KCNQ1: variants seen among roughly 807,000 people sequenced by gnomAD.
KCNQ1 encodes potassium voltage-gated channel subfamily Q member 1, also known as potassium voltage-gated channel subfamily KQT member 1.
KCNQ1 carries 49 observed loss-of-function variants against 72.4 expected under a neutral mutation model. That is an observed-to-expected ratio of 0.68 (90% CI 0.54 to 0.86). The LOEUF (loss-of-function observed/expected upper bound fraction) is 0.86. Ranked by LOEUF, KCNQ1 falls within the 40% of genes least tolerant of loss-of-function variation. The probability of loss-of-function intolerance (pLI) is 0.00; values close to 1 mark genes in which losing one functional copy is unlikely to be tolerated. For synonymous variants in KCNQ1, 450 were observed against 412.6 expected (o/e 1.09, Z -1.10); for missense variants, 790 against 945.1 (o/e 0.84, Z 2.15).
rs1219426314 is a variant in KCNQ1 at position 2,508,866 on chromosome 11, T to C, written c.387-19062T>C. On this transcript the variant is annotated intron_variant, in intron 1 of 15. Transcript: ENST00000155840. The surrounding 1 kb of genome is among the most constrained non-coding windows in gnomAD (Gnocchi z 6.2). ...TGAATGCATGCTCCCTCCACACCCA[T>C]GTGCCTGATGCACACAGCCTGGCCC... 6.6e-6 allele frequency among the ~76,000 whole-genome samples: 1 copy of C among 152,226 alleles called. No individual in the cohort carries two copies. The highest frequency in any genetic ancestry group is 6.5e-5 in the Admixed American group (1 of 15,292).
In KCNQ1 at chr11:2,462,077, C is replaced by A. The variant is rs568671121; in HGVS notation, c.386+16593C>A. ...TGTCCAGAGATGAGACCCAGCCCCA[C>A]TGTGTCTTTCTGGGATTCACAAGAA... On this transcript the variant is annotated intron_variant, in intron 1 of 15. Coordinates refer to ENST00000155840, the MANE Select transcript of KCNQ1 (RefSeq NM_000218.3). The surrounding 1 kb of genome is among the most constrained non-coding windows in gnomAD (Gnocchi z 8.2). The A allele has an allele frequency of 8.8e-5, 26 of 295,728 alleles. No individual in the cohort carries two copies. Among genetic ancestry groups the A allele is most frequent in the Middle Eastern group, 9.0e-4 (1 of 1,116 alleles). The allele number at this position is 295,728 out of a possible 1,614,324, so 18.3% of individuals were successfully genotyped here.
intron 11 of KCNQ1, among the ~76,000 whole-genome samples, chr11:2,736,762 C>T (rs1054952506): frequency 2.0e-5 from 3 of 152,238 alleles, no homozygotes; most frequent in African/African-American, 4.8e-5. Flanking sequence ...ATGCGGCTGC[C>T]CTGGTGGGTT....
chr11:2,620,704 C>T lies in KCNQ1; in HGVS notation c.1393+31850C>T, dbSNP rs1849155234. On this transcript the variant is annotated intron_variant, in intron 10 of 15. Transcript: ENST00000155840. This position sits in a 1 kb window ranked among gnomAD's most constrained non-coding sequence, Gnocchi z 4.5. ...AATTTATTTTCCTTTGAATATATAT[C>T]CAGTAATGGGATTGCTGGGTCAGAT... 2.5e-6 allele frequency: 1 copy of T among 398,496 alleles called. No homozygotes were observed. The highest frequency in any genetic ancestry group is 3.6e-5 in the East Asian group (1 of 28,064). 24.7% of individuals were successfully genotyped at this position (398,496 alleles called of 1,614,324 possible).
chr11:2,709,287 A>G (rs1193849354), intron 11 of KCNQ1, among the ~76,000 whole-genome samples: 3 of 116,588 alleles, frequency 2.6e-5, no homozygotes, highest in Non-Finnish European at 4.8e-5. Context: ...CTGGGCTTTC[A>G]GCATGAGAAA....
At position 2,463,225 on chromosome 11, in the gene KCNQ1, G is replaced by A. The variant is rs1326715528; in HGVS notation, c.386+17741G>A. On this transcript the variant is annotated intron_variant, in intron 1 of 15. Transcript: ENST00000155840. This position sits in a 1 kb window ranked among gnomAD's most constrained non-coding sequence, Gnocchi z 7.0. ...CTTGGGGGACCATTGACTTTACTGT[G>A]TGCCTGGAGAGCCTAATCCCTACCT... Among the ~76,000 whole-genome samples the A allele has an allele frequency of 6.6e-6, 1 of 152,174 alleles. No individual in the cohort carries two copies. Among genetic ancestry groups the A allele is most frequent in the Non-Finnish European group, 1.5e-5 (1 of 68,022 alleles).
chr11:2,611,184 GGTTT>G lies in KCNQ1; in HGVS notation c.1393+22335_1393+22338del, dbSNP rs1244783517. On this transcript the variant is annotated intron_variant, in intron 10 of 15. Transcript: ENST00000155840. The surrounding 1 kb of genome is among the most constrained non-coding windows in gnomAD (Gnocchi z 5.3). The stretch of plus-strand genomic sequence containing the variant: ...TGCTTCTCAGTATCTCTAATAACAT[GGTTT>G]GTTTTTAAAGTCTATTTTGTCTGAT... The G allele has an allele frequency of 2.0e-5, 8 of 398,008 alleles. No individual in the cohort carries two copies. Among genetic ancestry groups the G allele is most frequent in the Non-Finnish European group, 3.5e-5 (8 of 225,948 alleles). The allele number at this position is 398,008 out of a possible 1,614,324, so 24.7% of individuals were successfully genotyped here. A position where few individuals can be genotyped will look rare whatever the true frequency, so the allele number is the denominator to read the frequency against.
intron 11 of KCNQ1, among the ~76,000 whole-genome samples, chr11:2,760,185 C>T (rs1402103406): frequency 1.3e-5 from 2 of 152,152 alleles, no homozygotes; most frequent in Non-Finnish European, 2.9e-5. Context: ...TTTGACCTAT[C>T]CAGAAACAAC....
chr11:2,544,734 A>C lies in KCNQ1; in HGVS notation c.477+16716A>C, dbSNP rs926225495. On this transcript the variant is annotated intron_variant, in intron 2 of 15. Coordinates refer to ENST00000155840, the MANE Select transcript of KCNQ1 (RefSeq NM_000218.3). This position sits in a 1 kb window ranked among gnomAD's most constrained non-coding sequence, Gnocchi z 4.4. ...AAATGAATTCCATTGATTTCCTTATATGAATGATGTTTTCTGAACATAGAG... is the reference window on the plus strand; with the variant it reads ...AAATGAATTCCATTGATTTCCTTATCTGAATGATGTTTTCTGAACATAGAG... Among the ~76,000 whole-genome samples, 1 of 152,184 alleles carries C rather than the reference A, an allele frequency of 6.6e-6. No individual in the cohort carries two copies. Among genetic ancestry groups the C allele is most frequent in the African/African-American group, 2.4e-5 (1 of 41,462 alleles).
rs1038717458 is a variant in KCNQ1 at position 2,562,466 on chromosome 11, C to A, written c.478-8162C>A. Reference sequence around the variant, plus strand: ...CCGGTGTGGAGTTGGAACAGCTGGCCCCAAAGCCCGCCAGCCGGGCTCTAT... The same window carrying A: ...CCGGTGTGGAGTTGGAACAGCTGGCACCAAAGCCCGCCAGCCGGGCTCTAT... On this transcript the variant is annotated intron_variant, in intron 2 of 15. Transcript: ENST00000155840. This position sits in a 1 kb window ranked among gnomAD's most constrained non-coding sequence, Gnocchi z 7.5. 1.3e-5 allele frequency among the ~76,000 whole-genome samples: 2 copies of A among 152,178 alleles called. No individual in the cohort carries two copies. The highest frequency in any genetic ancestry group is 2.9e-5 in the Non-Finnish European group (2 of 68,008).
chr11:2,487,826 CT>C (rs201845766), intron 1 of KCNQ1, among the ~76,000 whole-genome samples: 1 of 151,864 alleles, frequency 6.6e-6, no homozygotes, highest in African/African-American at 2.4e-5. Context: ...AGTTTTACGT[CT>C]TTTTTTTCCA....
Position 2,618,537 on chromosome 11 carries a change from C to T in KCNQ1, c.1393+29683C>T, listed in dbSNP as rs1014245037. The T allele has an allele frequency of 4.5e-5, 18 of 398,442 alleles. No individual in the cohort carries two copies. Among genetic ancestry groups the T allele is most frequent in the Middle Eastern group, 1.2e-3 (2 of 1,610 alleles). The allele number at this position is 398,442 out of a possible 1,614,324, so 24.7% of individuals were successfully genotyped here. ...ATCTTTGAATTTCTTTCTGGGCTCT[C>T]TATTCTGTTCCACTGGTCTACATGT... On this transcript the variant is annotated intron_variant, in intron 10 of 15. Transcript: ENST00000155840.
At chr11:2,546,443 G>T (rs1362505517) in intron 2 of KCNQ1, among the ~76,000 whole-genome samples, 1 of 151,936 alleles carries the variant, frequency 6.6e-6, no homozygotes, top group Non-Finnish European at 1.5e-5. Flanking sequence ...AAATGTCAAT[G>T]AGACTAATGT....
chr11:2,557,506 A>G (rs1286716594), intron 2 of KCNQ1, among the ~76,000 whole-genome samples: 1 of 152,232 alleles, frequency 6.6e-6, no homozygotes, highest in Non-Finnish European at 1.5e-5. Context: ...GTAACAAACC[A>G]TCCACAAATC....
At chr11:2,825,985 G>A (rs1847831261) in intron 15 of KCNQ1, among the ~76,000 whole-genome samples, 1 of 152,118 alleles carries the variant, frequency 6.6e-6, no homozygotes, top group South Asian at 2.1e-4. Context: ...TCCTGCCCCA[G>A]TACCCTCTCC....
At position 2,661,701 on chromosome 11, in the gene KCNQ1, C is replaced by A; in HGVS notation, c.1394-260C>A. ...GTGGGGAGAGTCTTGGACACCTGAG[C>A]ACAGCCCCAGGCACAGTTACCACTC... On this transcript the variant is annotated intron_variant, in intron 10 of 15. Coordinates refer to ENST00000155840, the MANE Select transcript of KCNQ1 (RefSeq NM_000218.3). The surrounding 1 kb of genome is among the most constrained non-coding windows in gnomAD (Gnocchi z 5.9). The A allele has an allele frequency of 1.7e-6, 1 of 605,864 alleles. No individual in the cohort carries two copies. Among genetic ancestry groups the A allele is most frequent in the Non-Finnish European group, 2.9e-6 (1 of 339,400 alleles). The allele number at this position is 605,864 out of a possible 1,614,324, so 37.5% of individuals were successfully genotyped here.
intron 10 of KCNQ1, chr11:2,648,981 C>CTTTTTTTTTTTTTTTTTTTTTTTTTT: frequency 3.8e-5 from 8 of 213,306 alleles, no homozygotes; most frequent in Admixed American, 1.9e-4. Context: ...TTTTCTTTTT[C>CTTTTTTTTTTTTTTTTTTTTTTTTTT]TTTTTTTTTT....
chr11:2,749,019 G>T (rs1846182351), intron 11 of KCNQ1, among the ~76,000 whole-genome samples: 1 of 152,236 alleles, frequency 6.6e-6, no homozygotes, highest in Non-Finnish European at 1.5e-5. Flanking sequence ...GAGAGTGGTG[G>T]CTGTGTCCAG....
chr11:2,491,171 A>T lies in KCNQ1; in HGVS notation c.387-36757A>T, dbSNP rs1012081810. Among the ~76,000 whole-genome samples, 8 of 152,244 alleles carry T rather than the reference A, an allele frequency of 5.3e-5. No homozygotes were observed. Among genetic ancestry groups the T allele is most frequent in the African/African-American group, 1.9e-4 (8 of 41,462 alleles). On this transcript the variant is annotated intron_variant, in intron 1 of 15. Coordinates refer to ENST00000155840, the MANE Select transcript of KCNQ1 (RefSeq NM_000218.3). This position sits in a 1 kb window ranked among gnomAD's most constrained non-coding sequence, Gnocchi z 4.1. ...ACAAGCCCAGACTGCAAAGGCTACA[A>T]TAAATACCTAACTCTTTAATGCCTA... is the stretch of plus-strand genomic sequence containing the variant.
chr11:2,809,240 T>C lies in KCNQ1; in HGVS notation c.1794+31203T>C, dbSNP rs1265306863. ...ACCAAAGTAAAACAGAAGGAATTGC[T>C]GAATTCAGATAAATGTTTCTTCACC... On this transcript the variant is annotated intron_variant, in intron 15 of 15. Coordinates refer to ENST00000155840, the MANE Select transcript of KCNQ1 (RefSeq NM_000218.3). The surrounding 1 kb of genome is among the most constrained non-coding windows in gnomAD (Gnocchi z 7.1). Among the ~76,000 whole-genome samples the C allele has an allele frequency of 6.6e-6, 1 of 152,240 alleles. No individual in the cohort carries two copies. Among genetic ancestry groups the C allele is most frequent in the Non-Finnish European group, 1.5e-5 (1 of 68,040 alleles).
Sources: allele counts gnomAD v4.1 joint callset (sites outside exome capture counted in the v4.1 genomes callset), GRCh38; gene constraint gnomAD v4.1.1; non-coding constraint Gnocchi (gnomAD v3.1); transcripts MANE v1.5; gene names NCBI Gene and HGNC (gene_info 2026-07-23, HGNC 2026-07-21).